The following EIF3A variants were observed in gnomAD, a reference collection of about 807,000 sequenced individuals.
EIF3A encodes the protein EIF3, p180 subunit.
EIF3A carries 21 observed loss-of-function variants against 186.6 expected under a neutral mutation model. That is an observed-to-expected ratio of 0.11 (90% CI 0.08 to 0.16). EIF3A has a LOEUF of 0.16. Ranked by LOEUF, EIF3A falls within the 10% of genes least tolerant of loss-of-function variation. The pLI is 1.00. For missense variants in EIF3A, 1,306 were observed against 1,796.3 expected (o/e 0.73, Z 4.93); for synonymous variants, 563 against 584.3 (o/e 0.96, Z 0.52).
At chr10:119,050,432 T>A in intron 16 of EIF3A, 89 bp downstream of exon 16, 1 of 1,327,402 alleles carries the variant, frequency 7.5e-7, no homozygotes, top group Non-Finnish European at 1.0e-6. Flanking sequence ...TTACCTTGAT[T>A]CCTGTATTTT....
intron 7 of EIF3A, among the ~76,000 whole-genome samples, chr10:119,065,027 T>C (rs984896205): frequency 6.6e-6 from 1 of 152,066 alleles, no homozygotes; most frequent in African/African-American, 2.4e-5. Context: ...TATATAGCAG[T>C]GCGAGAACAT....
At chr10:119,067,459 C>T (rs896808717) in intron 6 of EIF3A, among the ~76,000 whole-genome samples, 7 of 152,188 alleles carry the variant, frequency 4.6e-5, no homozygotes, top group Admixed American at 2.0e-4. Flanking sequence ...GACGTGGTCG[C>T]GCTCGCCTGT....
Position 119,042,075 on chromosome 10 carries a change from A to G in EIF3A, c.3445T>C (p.Ser1149Pro), listed in dbSNP as rs1217575756. ...PWRNMDDDRLSRRADDDRFPR... is the reference protein window; with the variant it reads ...PWRNMDDDRLPRRADDDRFPR... ...AACCGATCATCATCAGCACGTCTTG[A>G]AAGGCGATCATCATCCATGTTTCTC... The change falls in exon 19 of 22, where the codon TCA becomes CCA. Residue 1149 changes from serine to proline, a missense_variant. Physicochemically the swap from Ser to Pro is moderately conservative, Grantham distance 74. Coordinates refer to ENST00000369144, the MANE Select transcript of EIF3A (RefSeq NM_003750.4). The surrounding 1 kb of genome is among the most constrained non-coding windows in gnomAD (Gnocchi z 7.8). 6.2e-7 allele frequency: 1 copy of G among 1,614,076 alleles called. No homozygotes were observed. Among genetic ancestry groups the G allele is most frequent in the Non-Finnish European group, 8.5e-7 (1 of 1,180,056 alleles).
In EIF3A at chr10:119,037,198, C is replaced by T. The variant is rs914212011; in HGVS notation, c.3840G>A (p.Arg1280=). The change falls in exon 21 of 22, where the codon CGG becomes CGA. Residue 1280 remains arginine (R), a synonymous_variant. Coordinates refer to ENST00000369144, the MANE Select transcript of EIF3A (RefSeq NM_003750.4). ...GATCTCGTCTTTCTCTTAGATCACG[C>T]CGGTCATCCCTCTCACGGCGACGGT... is the stretch of plus-strand genomic sequence containing the variant. ...RDDRRRERDD[R]RDLRERRDLR... is the part of the protein sequence containing the mutation. 1 of 1,614,024 alleles carries T rather than the reference C, an allele frequency of 6.2e-7. No individual in the cohort carries two copies. Among genetic ancestry groups the T allele is most frequent in the Non-Finnish European group, 8.5e-7 (1 of 1,180,018 alleles).
chr10:119,080,394 G>C lies in EIF3A; in HGVS notation c.49+234C>G, dbSNP rs555500081. 7.2e-5 allele frequency: 71 copies of C among 985,464 alleles called. No homozygotes were observed. The African/African-American group carries it at 1.1e-3, about 15-fold the overall frequency. The allele number at this position is 985,464 out of a possible 1,614,324, so 61.0% of individuals were successfully genotyped here. On this transcript the variant is annotated intron_variant, in intron 1 of 21. Coordinates refer to ENST00000369144, the MANE Select transcript of EIF3A (RefSeq NM_003750.4). ...CCGCGACGCACCCGGAGGCGGCAGG[G>C]GGAAGGAAAGGCCCCTGGGGCGACG... is the stretch of plus-strand genomic sequence containing the variant.
chr10:119,041,852 G>T, intron 19 of EIF3A, 142 bp downstream of exon 19: 1 of 892,730 alleles, frequency 1.1e-6, no homozygotes, highest in Non-Finnish European at 1.7e-6. Flanking sequence ...ACTTTTGACA[G>T]CGAAGTCACT....
Position 119,073,592 on chromosome 10 carries a change from CAA to C in EIF3A, c.241-17_241-16del. 1.2e-6 allele frequency: 2 copies of C among 1,604,738 alleles called. No homozygotes were observed. Among genetic ancestry groups the C allele is most frequent in the Non-Finnish European group, 1.7e-6 (2 of 1,177,196 alleles). ...TTTATGTTCACCTAATCCAAAAAAA[CAA>C]AAACTCTTCAGAACTTATTTTTCCA... On this transcript the variant is annotated splice_polypyrimidine_tract_variant and intron_variant, in intron 2 of 21. Coordinates refer to ENST00000369144, the MANE Select transcript of EIF3A (RefSeq NM_003750.4).
chr10:119,036,398 T>A (rs1020905559), intron 21 of EIF3A, 130 bp from the exon 22 acceptor site: 76 of 631,966 alleles, frequency 1.2e-4, no homozygotes, highest in Admixed American at 3.0e-4. Context: ...TCTGTTAAAT[T>A]CTGTATTGTT....
At position 119,036,234 on chromosome 10, in the gene EIF3A, A is replaced by G. The variant is rs772334232; in HGVS notation, c.3954T>C (p.Asp1318=). The G allele has an allele frequency of 6.2e-7, 1 of 1,613,980 alleles. No homozygotes were observed. The change falls in exon 22 of 22, where the codon GAT becomes GAC. Residue 1318 remains aspartate, a synonymous_variant. Coordinates refer to ENST00000369144, the MANE Select transcript of EIF3A (RefSeq NM_003750.4). The part of the protein sequence containing the change: ...SSWRRADDRK[D]DRVEERDPPR... ...GAGGGTCCCGCTCTTCCACCCGGTC[A>G]TCTTTCCTGTCATCAGCACGTCTCC...
At chr10:119,055,118 G>C (rs1478596929) in intron 14 of EIF3A, among the ~76,000 whole-genome samples, 1 of 152,136 alleles carries the variant, frequency 6.6e-6, no homozygotes, top group Non-Finnish European at 1.5e-5. Flanking sequence ...TGCGGCCAGA[G>C]AATCACTTGA....
chr10:119,073,561 A>G lies in EIF3A; in HGVS notation c.257T>C (p.Leu86Pro). Residue 86 changes from leucine to proline, a missense_variant, in exon 3 of 22, where the codon CTG (leucine) becomes CCG (proline). By Grantham distance (98) the Leu-to-Pro change is moderately conservative. Around this residue, in one of 8 missense-constraint regions of EIF3A, gnomAD observed 130 missense variants for 259.3 expected, o/e 0.50. Coordinates refer to ENST00000369144, the MANE Select transcript of EIF3A (RefSeq NM_003750.4). ...NICQQVNIKS[L>P]EDVVRAYLKM... ...CAAATATGCCCTAACAACATCCTCC[A>G]GAGATTTTATGTTCACCTAATCCAA... 2 of 1,612,774 alleles carry G rather than the reference A, an allele frequency of 1.2e-6. No individual in the cohort carries two copies. The highest frequency in any genetic ancestry group is 1.1e-5 in the South Asian group (1 of 90,908).
At position 119,035,250 on chromosome 10, in the gene EIF3A, AACCAT is replaced by A. The variant is rs1278459111; in HGVS notation, c.*784_*788del. ...AAAGAGAATTTAAACGATTCCTCCA[AACCAT>A]ACATTTATAAATATTGTCATATTTA... On this transcript the variant is annotated 3_prime_UTR_variant, in exon 22 of 22. Transcript: ENST00000369144. 1 of 152,584 alleles carries A rather than the reference AACCAT, an allele frequency of 6.6e-6. No individual in the cohort carries two copies. The highest frequency in any genetic ancestry group is 1.5e-5 in the Non-Finnish European group (1 of 68,024). The allele number at this position is 152,584 out of a possible 1,614,324, so 9.5% of individuals were successfully genotyped here. A position where few individuals can be genotyped will look rare whatever the true frequency, so the allele number is the denominator to read the frequency against.
chr10:119,044,017 G>A (rs1042952016), intron 18 of EIF3A, 37 bp downstream of exon 18: 5 of 1,416,224 alleles, frequency 3.5e-6, no homozygotes, highest in Middle Eastern at 1.8e-4. Flanking sequence ...ATATTAACAG[G>A]AACTGGAGCG....
At chr10:119,070,580 T>G (rs1261126303) in intron 5 of EIF3A, among the ~76,000 whole-genome samples, 1 of 152,172 alleles carries the variant, frequency 6.6e-6, no homozygotes, top group African/African-American at 2.4e-5. Context: ...ACAGACCAGA[T>G]AGTTTACAGA....
intron 6 of EIF3A, among the ~76,000 whole-genome samples, chr10:119,067,426 C>CA (rs201190343): frequency 0.012 from 1,818 of 151,812 alleles, 17 homozygotes; most frequent in Non-Finnish European, 0.019. Context: ...CCTGCCTCCA[C>CA]AAAAAAAATT....
rs1227587491 is a variant in EIF3A at position 119,060,769 on chromosome 10, T to C, written c.1303A>G (p.Thr435Ala). ...QQYVPQLQNN[T>A]ILRLLQQVSQ... ...ACCTGCTGCAGAAGGCGGAGGATGG[T>C]GTTGTTTTGCAGTTGTGGCACATAC... is the stretch of plus-strand genomic sequence containing the variant. The change falls in exon 9 of 22, where the codon ACC becomes GCC. Residue 435 changes from threonine to alanine, a missense_variant. Thr to Ala is a moderately conservative substitution (Grantham distance 58, BLOSUM62 0). This residue lies in a region of EIF3A where 267 missense variants were observed against 367.8 expected (regional missense o/e 0.73). Transcript: ENST00000369144. 6 of 1,610,738 alleles carry C rather than the reference T, an allele frequency of 3.7e-6. No homozygotes were observed. The highest frequency in any genetic ancestry group is 3.4e-5 in the Admixed American group (2 of 59,458).
At chr10:119,041,192 T>G (rs1177136591) in intron 19 of EIF3A, among the ~76,000 whole-genome samples, 1 of 149,380 alleles carries the variant, frequency 6.7e-6, no homozygotes, top group Non-Finnish European at 1.5e-5. Context: ...AGAAAAAAAA[T>G]GGTAATAGAC....
Position 119,058,144 on chromosome 10 carries a change from T to C in EIF3A, c.1789A>G (p.Arg597Gly). 6.2e-7 allele frequency: 1 copy of C among 1,614,160 alleles called. No homozygotes were observed. Among genetic ancestry groups the C allele is most frequent in the Non-Finnish European group, 8.5e-7 (1 of 1,180,040 alleles). The change falls in exon 12 of 22, where the codon AGG becomes GGG. Residue 597 changes from arginine (R) to glycine (G), a missense_variant. Physicochemically the swap from Arg to Gly is moderately radical, Grantham distance 125. Around this residue, in one of 8 missense-constraint regions of EIF3A, gnomAD observed 94 missense variants for 204.9 expected, o/e 0.46. Coordinates refer to ENST00000369144, the MANE Select transcript of EIF3A (RefSeq NM_003750.4). Reference sequence around the variant, plus strand: ...CGCACTTTCTGGAGTTCAGCTTCCCTCTGTTCCAATTCTTCTTTCTCACGC... The same window carrying C: ...CGCACTTTCTGGAGTTCAGCTTCCCCCTGTTCCAATTCTTCTTTCTCACGC... ...IQREKEELEQ[R>G]EAELQKVRKA... is the part of the protein sequence containing the mutation.
At position 119,080,335 on chromosome 10, in the gene EIF3A, G is replaced by A. The variant is rs570432256; in HGVS notation, c.49+293C>T. ...CGCAGGCAGCAAGGAGGGAGCTCCAGTCCGGGTAGGGGCTGTCTCCCGGGC... is the reference window on the plus strand; with the variant it reads ...CGCAGGCAGCAAGGAGGGAGCTCCAATCCGGGTAGGGGCTGTCTCCCGGGC... On this transcript the variant is annotated intron_variant, in intron 1 of 21. Transcript: ENST00000369144. 1.8e-4 allele frequency: 180 copies of A among 985,476 alleles called. 1 individual carries two copies. The highest frequency in any genetic ancestry group is 1.8e-3 in the African/African-American group (101 of 57,378). The allele number at this position is 985,476 out of a possible 1,614,324, so 61.0% of individuals were successfully genotyped here. A position where few individuals can be genotyped will look rare whatever the true frequency, so the allele number is the denominator to read the frequency against.
Sources: allele counts gnomAD v4.1 joint callset (sites outside exome capture counted in the v4.1 genomes callset), GRCh38; gene constraint gnomAD v4.1.1; regional missense constraint gnomAD v4.1.1; non-coding constraint Gnocchi (gnomAD v3.1); transcripts MANE v1.5; gene names NCBI Gene and HGNC (gene_info 2026-07-23, HGNC 2026-07-21).